The following MTUS2 variants were observed in gnomAD, a reference collection of about 807,000 sequenced individuals.
The protein encoded by MTUS2 is microtubule associated scaffold protein 2, also known as microtubule-associated tumor suppressor candidate 2.
A neutral mutation model predicts 114.1 loss-of-function variants in MTUS2; 40 were observed. The ratio of observed to expected loss-of-function variants is 0.35; its 90% CI spans 0.27 to 0.46. MTUS2 has a LOEUF of 0.46. Among genes scored for constraint, MTUS2 ranks in the 20% least tolerant of loss-of-function variants. MTUS2 has a pLI of 1.00. For missense variants in MTUS2, 1,679 were observed against 1,705.4 expected (o/e 0.98, Z 0.27); for synonymous variants, 688 against 672.0 (o/e 1.02, Z -0.37).
intron 4 of MTUS2, among the ~76,000 whole-genome samples, chr13:29,085,373 A>G (rs1207741185): frequency 1.3e-5 from 2 of 152,148 alleles, no homozygotes; most frequent in Non-Finnish European, 2.9e-5. Context: ...TGTACAAATA[A>G]TTTTGTCACC....
At chr13:29,129,274 A>G (rs989941735) in intron 5 of MTUS2, among the ~76,000 whole-genome samples, 4 of 151,592 alleles carry the variant, frequency 2.6e-5, no homozygotes, top group African/African-American at 9.7e-5. Context: ...TATTTGAGAG[A>G]ACTGTAATTC....
At chr13:29,328,956 A>G (rs528512328) in intron 7 of MTUS2, among the ~76,000 whole-genome samples, 1 of 152,276 alleles carries the variant, frequency 6.6e-6, no homozygotes, top group Admixed American at 6.5e-5. Context: ...AACCTGTCTG[A>G]TGAGATTTTA....
chr13:29,334,641 CT>C (rs950166678), intron 7 of MTUS2, among the ~76,000 whole-genome samples: 14 of 152,024 alleles, frequency 9.2e-5, no homozygotes, highest in African/African-American at 2.9e-4. Context: ...ACATTTTTTC[CT>C]TCATTTCAAC....
chr13:29,086,128 G>T (rs755039887), intron 4 of MTUS2, among the ~76,000 whole-genome samples: 1 of 152,040 alleles, frequency 6.6e-6, no homozygotes, highest in East Asian at 1.9e-4. Context: ...TTGAAATGAG[G>T]TTTGTTTCTT....
intron 4 of MTUS2, among the ~76,000 whole-genome samples, chr13:29,061,600 T>G (rs979752025): frequency 2.3e-4 from 2 of 8,540 alleles, no homozygotes; most frequent in African/African-American, 5.1e-4. Flanking sequence ...CCCCAAACTT[T>G]GGTCTGTATC....
intron 2 of MTUS2, among the ~76,000 whole-genome samples, chr13:28,933,933 T>A (rs937007454): frequency 6.6e-6 from 1 of 152,260 alleles, no homozygotes; most frequent in South Asian, 2.1e-4. Context: ...ATTCCTTGAC[T>A]TCATGCTTAG....
chr13:29,389,371 G>GTC, intron 8 of MTUS2, among the ~76,000 whole-genome samples: 2 of 64,396 alleles, frequency 3.1e-5, no homozygotes, highest in East Asian at 4.6e-4. Flanking sequence ...ATGCACGTGT[G>GTC]TGTATATATG....
intron 5 of MTUS2, among the ~76,000 whole-genome samples, chr13:29,136,277 T>A (rs1891974182): frequency 6.6e-6 from 1 of 152,204 alleles, no homozygotes; most frequent in Non-Finnish European, 1.5e-5. Context: ...TTTCGCCAGA[T>A]ATAGAATTGT....
At chr13:29,293,710 A>G (rs1898815084) in intron 6 of MTUS2, among the ~76,000 whole-genome samples, 1 of 152,154 alleles carries the variant, frequency 6.6e-6, no homozygotes, top group African/African-American at 2.4e-5. Context: ...AAATATGTAA[A>G]TAAGTTATGA....
chr13:29,248,765 A>G (rs1776381237), intron 5 of MTUS2, among the ~76,000 whole-genome samples: 1 of 152,146 alleles, frequency 6.6e-6, no homozygotes, highest in South Asian at 2.1e-4. Context: ...GCTGAGGATG[A>G]TGGCTTCCAG....
At chr13:29,362,287 C>A (rs1870325728) in intron 8 of MTUS2, among the ~76,000 whole-genome samples, 1 of 152,106 alleles carries the variant, frequency 6.6e-6, no homozygotes, top group African/African-American at 2.4e-5. Context: ...GCCCAGCTGG[C>A]AAAGGCACTT....
intron 8 of MTUS2, among the ~76,000 whole-genome samples, chr13:29,399,453 A>G (rs542421758): frequency 6.6e-6 from 1 of 152,342 alleles, no homozygotes; most frequent in East Asian, 1.9e-4. Context: ...CCTCGTTCAA[A>G]CAACTCTGAC....
intron 2 of MTUS2, among the ~76,000 whole-genome samples, chr13:28,841,079 T>C (rs1024354554): frequency 6.6e-6 from 1 of 152,180 alleles, no homozygotes; most frequent in Non-Finnish European, 1.5e-5. Context: ...AAACTTGGAC[T>C]GTTTTTCCCA....
intron 7 of MTUS2, among the ~76,000 whole-genome samples, chr13:29,330,944 T>C (rs1202435462): frequency 6.6e-6 from 1 of 152,166 alleles, no homozygotes; most frequent in African/African-American, 2.4e-5. Context: ...ATATGAAATT[T>C]GAAGTAGTTT....
At chr13:29,383,240 G>GTATATATATATATATATATA (rs1224083355) in intron 8 of MTUS2, among the ~76,000 whole-genome samples, 1 of 25,020 alleles carries the variant, frequency 4.0e-5, no homozygotes, top group African/African-American at 7.1e-5. Context: ...GTGTGTGTGT[G>GTATATATATATATATATATA]TGTGTGTGTG....
intron 2 of MTUS2, among the ~76,000 whole-genome samples, chr13:28,847,766 A>G (rs1460732706): frequency 6.6e-6 from 1 of 152,146 alleles, no homozygotes; most frequent in Non-Finnish European, 1.5e-5. Context: ...GTCCAAGGAA[A>G]CCATGCAGCA....
chr13:29,084,086 A>G (rs1235231632), intron 4 of MTUS2, among the ~76,000 whole-genome samples: 1 of 152,150 alleles, frequency 6.6e-6, no homozygotes, highest in African/African-American at 2.4e-5. Flanking sequence ...TTTAAATTTA[A>G]TGAGATCCCA....
At chr13:28,864,303 G>GA (rs1400742771) in intron 2 of MTUS2, among the ~76,000 whole-genome samples, 1 of 152,182 alleles carries the variant, frequency 6.6e-6, no homozygotes, top group Non-Finnish European at 1.5e-5. Flanking sequence ...AAGGGTCCAT[G>GA]AAAAATAAAA....
intron 6 of MTUS2, among the ~76,000 whole-genome samples, chr13:29,304,147 T>C (rs1899331478): frequency 6.6e-6 from 1 of 151,848 alleles, no homozygotes; most frequent in Admixed American, 6.6e-5. Flanking sequence ...GCACAAAATA[T>C]GGAAAGAAAA....
Sources: allele counts gnomAD v4.1 joint callset (sites outside exome capture counted in the v4.1 genomes callset), GRCh38; gene constraint gnomAD v4.1.1; transcripts MANE v1.5; gene names NCBI Gene and HGNC (gene_info 2026-07-23, HGNC 2026-07-21).